The following UBAC2 variants were observed in gnomAD, a reference collection of about 807,000 sequenced individuals.
The protein encoded by UBAC2 is UBA domain containing 2, also known as ubiquitin-associated domain-containing protein 2.
Under a neutral mutation model 44.0 loss-of-function variants are expected in UBAC2, and 26 were observed. That is an observed-to-expected ratio of 0.59 (90% CI 0.43 to 0.82). The LOEUF is 0.82. UBAC2 is among the 40% of genes least tolerant of loss of function. The pLI is 0.00. For synonymous variants in UBAC2, 155 were observed against 154.3 expected, an observed-to-expected ratio of 1.00 and a Z score of -0.04; for missense variants, 329 against 419.4, an observed-to-expected ratio of 0.78 and a Z score of 1.88.
chr13:99,381,411 G>T (rs1323860307), intron 8 of UBAC2, among the ~76,000 whole-genome samples: 2 of 152,246 alleles, frequency 1.3e-5, no homozygotes, highest in South Asian at 4.1e-4. Flanking sequence ...GGATTCGTTT[G>T]TGCTGGCTGG....
At chr13:99,215,723 CT>C in intron 1 of UBAC2, 1 of 1,492,594 alleles carries the variant, frequency 6.7e-7, no homozygotes, top group Non-Finnish European at 9.0e-7. Flanking sequence ...TTGTCTTGGC[CT>C]TTCCGGAGTC....
chr13:99,203,200 C>T (rs2042827680), intron 1 of UBAC2, among the ~76,000 whole-genome samples: 1 of 152,016 alleles, frequency 6.6e-6, no homozygotes, highest in Non-Finnish European at 1.5e-5. Flanking sequence ...TCACACCTGG[C>T]TATTTTTGTA....
At chr13:99,235,677 A>G (rs1031028411) in intron 1 of UBAC2, among the ~76,000 whole-genome samples, 1 of 152,194 alleles carries the variant, frequency 6.6e-6, no homozygotes, top group Non-Finnish European at 1.5e-5. Context: ...CAGTCCCTTC[A>G]AAAAAATTGT....
intron 4 of UBAC2, among the ~76,000 whole-genome samples, chr13:99,306,718 A>T (rs566246429): frequency 6.6e-6 from 1 of 152,348 alleles, no homozygotes; most frequent in South Asian, 2.1e-4. Context: ...CTAAGTAAAC[A>T]CAAGTATAAA....
At chr13:99,293,010 C>T (rs771666108) in intron 4 of UBAC2, among the ~76,000 whole-genome samples, 4 of 152,126 alleles carry the variant, frequency 2.6e-5, no homozygotes, top group Non-Finnish European at 2.9e-5. Flanking sequence ...AGAGGATGCC[C>T]ACAGCCGTGT....
chr13:99,230,863 A>G (rs1258107122), intron 1 of UBAC2, among the ~76,000 whole-genome samples: 1 of 152,166 alleles, frequency 6.6e-6, no homozygotes, highest in African/African-American at 2.4e-5. Flanking sequence ...AGCCTGGCCA[A>G]TATGGTGAAA....
At chr13:99,362,346 T>A (rs2045276284) in intron 7 of UBAC2, among the ~76,000 whole-genome samples, 1 of 152,236 alleles carries the variant, frequency 6.6e-6, no homozygotes, top group South Asian at 2.1e-4. Flanking sequence ...TCACAGAAGA[T>A]CCTCATACAT....
At chr13:99,323,657 A>G (rs2044599276) in intron 6 of UBAC2, among the ~76,000 whole-genome samples, 1 of 152,174 alleles carries the variant, frequency 6.6e-6, no homozygotes, top group Non-Finnish European at 1.5e-5. Context: ...TGACTCATCC[A>G]TATACACTCC....
At chr13:99,357,331 C>T (rs1041680252) in intron 7 of UBAC2, among the ~76,000 whole-genome samples, 5 of 152,272 alleles carry the variant, frequency 3.3e-5, no homozygotes, top group East Asian at 3.9e-4. Context: ...TGTTGTTAAG[C>T]GACACGTGAC....
intron 6 of UBAC2, among the ~76,000 whole-genome samples, chr13:99,337,154 C>A (rs986953649): frequency 6.6e-6 from 1 of 152,110 alleles, no homozygotes; most frequent in Non-Finnish European, 1.5e-5. Context: ...TTAAATATTC[C>A]GCATGAATTT....
chr13:99,259,453 G>C (rs1238971703), intron 4 of UBAC2, among the ~76,000 whole-genome samples: 1 of 151,614 alleles, frequency 6.6e-6, no homozygotes, highest in African/African-American at 2.4e-5. Context: ...CAACCTGCCA[G>C]AATGATGGGT....
chr13:99,206,384 G>C (rs1432953217), intron 1 of UBAC2, among the ~76,000 whole-genome samples: 2 of 152,230 alleles, frequency 1.3e-5, no homozygotes, highest in Non-Finnish European at 2.9e-5. Context: ...GGGGGCTTCT[G>C]TAGGAGGAGT....
intron 1 of UBAC2, among the ~76,000 whole-genome samples, chr13:99,234,671 A>T (rs1324039475): frequency 6.6e-6 from 1 of 152,200 alleles, no homozygotes; most frequent in Non-Finnish European, 1.5e-5. Flanking sequence ...TTCCCTTCTC[A>T]TAGCTCTTGT....
Position 99,200,984 on chromosome 13 carries a change from C to T in UBAC2, c.31+45C>T, listed in dbSNP as rs1413512550. Reference sequence around the variant, plus strand: ...ATCCTGGCTGCCCCCTACACGCCACCCTAGGCACCTCTTTGAGGAGGCTGG... The same window carrying T: ...ATCCTGGCTGCCCCCTACACGCCACTCTAGGCACCTCTTTGAGGAGGCTGG... On this transcript the variant is annotated intron_variant, in intron 1 of 8. Coordinates refer to ENST00000403766, the MANE Select transcript of UBAC2 (RefSeq NM_001144072.2). The T allele has an allele frequency of 3.8e-6, 5 of 1,299,128 alleles. No individual in the cohort carries two copies. The South Asian group carries it at 1.2e-4, about 32-fold the overall frequency. The allele number at this position is 1,299,128 out of a possible 1,614,324, so 80.5% of individuals were successfully genotyped here.
At chr13:99,257,751 A>G (rs2043590796) in intron 4 of UBAC2, among the ~76,000 whole-genome samples, 1 of 152,232 alleles carries the variant, frequency 6.6e-6, no homozygotes, top group Non-Finnish European at 1.5e-5. Flanking sequence ...AATTGAAAAC[A>G]TGTGATGAAC....
rs1366880408 is a variant in UBAC2 at position 99,247,199 on chromosome 13, T to TG, written c.389+2575_389+2576insG. Among the ~76,000 whole-genome samples, 13 of 88,018 alleles carry TG rather than the reference T, an allele frequency of 1.5e-4. 1 individual carries two copies. Among genetic ancestry groups the TG allele is most frequent in the East Asian group, 5.6e-4 (2 of 3,556 alleles). 57.7% of individuals were successfully genotyped at this position (88,018 alleles called of 152,430 possible). On this transcript the variant is annotated intron_variant, in intron 4 of 8. Coordinates refer to ENST00000403766, the MANE Select transcript of UBAC2 (RefSeq NM_001144072.2). ...AACTAAAGAGAGAAAACTACTGTTT[T>TG]TTTTTTTTTGTTTTGTTTTGTTTTG... is the stretch of plus-strand genomic sequence containing the variant.
rs1594020737 is a variant in UBAC2, at chr13:99,228,510, T to C, written c.32-9917T>C. On this transcript the variant is annotated intron_variant, in intron 1 of 8. Transcript: ENST00000403766. ...GGCTTCACGATGTTGGCCAGGCTAGTCTCAAACTCCTGACCTCAAGCGATC... is the reference window on the plus strand; with the variant it reads ...GGCTTCACGATGTTGGCCAGGCTAGCCTCAAACTCCTGACCTCAAGCGATC... Among the ~76,000 whole-genome samples, 3 of 152,280 alleles carry C rather than the reference T, an allele frequency of 2.0e-5. No homozygotes were observed. The South Asian group carries it at 6.2e-4, about 32-fold the overall frequency.
chr13:99,295,118 G>A lies in UBAC2; in HGVS notation c.390-18979G>A. 1 of 1,614,054 alleles carries A rather than the reference G, an allele frequency of 6.2e-7. No individual in the cohort carries two copies. The highest frequency in any genetic ancestry group is 8.5e-7 in the Non-Finnish European group (1 of 1,179,978). ...CATCTGCGTTTCTGTCATTTCACGT[G>A]AATTTTCTTCAGGGGCTGACTTCAC... On this transcript the variant is annotated intron_variant, in intron 4 of 8. Coordinates refer to ENST00000403766, the MANE Select transcript of UBAC2 (RefSeq NM_001144072.2). This position sits in a 1 kb window ranked among gnomAD's most constrained non-coding sequence, Gnocchi z 4.1.
At chr13:99,374,098 C>T (rs1381314963) in intron 8 of UBAC2, among the ~76,000 whole-genome samples, 1 of 152,182 alleles carries the variant, frequency 6.6e-6, no homozygotes, top group Non-Finnish European at 1.5e-5. Context: ...TTAGTGCAGC[C>T]TCCATTCTAC....
Sources: gnomAD v4.1 joint callset for allele counts (sites outside exome capture counted in the v4.1 genomes callset) on GRCh38, gnomAD v4.1.1 for gene constraint, Gnocchi (gnomAD v3.1) non-coding constraint, MANE v1.5 for transcripts, NCBI Gene and HGNC (gene_info 2026-07-23, HGNC 2026-07-21) for gene names.